PTPRT: variants seen among roughly 807,000 people sequenced by gnomAD.
PTPRT encodes the protein receptor-type tyrosine-protein phosphatase T.
In PTPRT, 56 loss-of-function variants were observed where a neutral mutation model predicts 176.8. The observed-to-expected ratio is 0.32, with a 90% CI of 0.26 to 0.40. The LOEUF (loss-of-function observed/expected upper bound fraction) is 0.40. Ranked by LOEUF, PTPRT falls within the 10% of genes least tolerant of loss-of-function variation. The probability of loss-of-function intolerance (pLI) is 1.00; values close to 1 mark genes in which losing one functional copy is unlikely to be tolerated. For synonymous variants in PTPRT, 783 were observed against 739.0 expected (o/e 1.06, Z -0.96); for missense variants, 1,540 against 1,908.2 (o/e 0.81, Z 3.60).
chr20:42,690,127 T>C (rs920563657), intron 6 of PTPRT, among the ~76,000 whole-genome samples: 1 of 151,822 alleles, frequency 6.6e-6, no homozygotes, highest in Non-Finnish European at 1.5e-5. Flanking sequence ...GACTGGGTCA[T>C]GCACGGATGG....
chr20:42,319,166 T>A (rs1008015307), intron 11 of PTPRT, among the ~76,000 whole-genome samples: 2 of 151,992 alleles, frequency 1.3e-5, no homozygotes, highest in African/African-American at 2.4e-5. Flanking sequence ...AGATTACACA[T>A]GAGGAGGCTG....
rs752371452 is a variant in PTPRT at position 42,633,784 on chromosome 20, AATATATAT to A, written c.1153+44074_1153+44081del. Among the ~76,000 whole-genome samples, 302 of 53,372 alleles carry A rather than the reference AATATATAT, an allele frequency of 5.7e-3. 1 individual carries two copies. Among genetic ancestry groups the A allele is most frequent in the Middle Eastern group, 0.022 (2 of 90 alleles). The allele number at this position is 53,372 out of a possible 152,430, so 35.0% of individuals were successfully genotyped here. A position where few individuals can be genotyped will look rare whatever the true frequency, so the allele number is the denominator to read the frequency against. ...CTGGGCAACACAGCAAGACTCTGAA[AATATATAT>A]ATATATATATATATATATATATATA... is the stretch of plus-strand genomic sequence containing the variant. On this transcript the variant is annotated intron_variant, in intron 7 of 30. Transcript: ENST00000373187.
At chr20:42,745,200 C>G (rs993476414) in intron 6 of PTPRT, among the ~76,000 whole-genome samples, 2 of 152,180 alleles carry the variant, frequency 1.3e-5, no homozygotes, top group Non-Finnish European at 1.5e-5. Context: ...TAAGTGGAAC[C>G]ACTTCTTCAC....
intron 1 of PTPRT, among the ~76,000 whole-genome samples, chr20:43,038,507 G>C (rs1986474716): frequency 1.3e-5 from 2 of 152,034 alleles, no homozygotes; most frequent in South Asian, 4.1e-4. Flanking sequence ...TGAAAAAACA[G>C]TCATCATACT....
At chr20:42,294,902 A>T (rs1248787197) in intron 12 of PTPRT, among the ~76,000 whole-genome samples, 1 of 152,290 alleles carries the variant, frequency 6.6e-6, no homozygotes, top group Non-Finnish European at 1.5e-5. Flanking sequence ...AAGGGGCACT[A>T]AAGAAAGACA....
intron 24 of PTPRT, 69 bp downstream of exon 24, chr20:42,106,717 G>T: frequency 1.3e-6 from 2 of 1,564,418 alleles, no homozygotes; most frequent in Non-Finnish European, 1.7e-6. Flanking sequence ...GTGTCTCTCC[G>T]TTCTATCATC....
intron 7 of PTPRT, among the ~76,000 whole-genome samples, chr20:42,541,718 GCTA>G (rs952197195): frequency 4.0e-5 from 6 of 151,334 alleles, no homozygotes; most frequent in African/African-American, 1.5e-4. Context: ...AACAAGAGAG[GCTA>G]CTATTTATTT....
At chr20:42,642,382 T>C (rs1404334548) in intron 7 of PTPRT, among the ~76,000 whole-genome samples, 1 of 152,196 alleles carries the variant, frequency 6.6e-6, no homozygotes. Context: ...GACAGAGTTA[T>C]GGACCTCCCT....
intron 15 of PTPRT, among the ~76,000 whole-genome samples, chr20:42,205,565 T>G (rs2055434511): frequency 6.6e-6 from 1 of 152,102 alleles, no homozygotes; most frequent in Admixed American, 6.5e-5. Context: ...GCAAAACCCT[T>G]GACTCTCTTC....
intron 19 of PTPRT, among the ~76,000 whole-genome samples, chr20:42,126,254 A>G (rs1987854272): frequency 6.6e-6 from 1 of 152,144 alleles, no homozygotes; most frequent in African/African-American, 2.4e-5. Context: ...GGACCCCAAG[A>G]GTGACTCATT....
chr20:43,045,477 A>G (rs1298851700), intron 1 of PTPRT, among the ~76,000 whole-genome samples: 1 of 122,276 alleles, frequency 8.2e-6, no homozygotes, highest in Non-Finnish European at 1.6e-5. Flanking sequence ...TTTTTGAGTC[A>G]CAGTCTCGCT....
chr20:42,830,428 C>A (rs183366394), intron 2 of PTPRT, among the ~76,000 whole-genome samples: 1 of 152,062 alleles, frequency 6.6e-6, no homozygotes, highest in Non-Finnish European at 1.5e-5. Context: ...CAATACACTA[C>A]GTATTCAAAG....
intron 8 of PTPRT, among the ~76,000 whole-genome samples, chr20:42,465,022 T>C (rs114459617): frequency 0.016 from 2,464 of 152,206 alleles, 65 homozygotes; most frequent in African/African-American, 0.057. Context: ...ATATGTTTTG[T>C]ATGTGATTAA....
intron 7 of PTPRT, among the ~76,000 whole-genome samples, chr20:42,480,529 C>T (rs1450079355): frequency 6.6e-6 from 1 of 152,164 alleles, no homozygotes; most frequent in Non-Finnish European, 1.5e-5. Context: ...TATCCTGAAC[C>T]TCTGAGATGG....
chr20:42,825,560 T>C (rs2077978164), intron 2 of PTPRT, among the ~76,000 whole-genome samples: 1 of 152,162 alleles, frequency 6.6e-6, no homozygotes, highest in South Asian at 2.1e-4. Flanking sequence ...CATACACATG[T>C]GTGTATATAA....
intron 1 of PTPRT, among the ~76,000 whole-genome samples, chr20:43,057,481 A>AATG (rs1845740422): frequency 6.6e-6 from 1 of 152,036 alleles, no homozygotes. Flanking sequence ...AGGAAAAGGG[A>AATG]ATGAAAGGGA....
intron 13 of PTPRT, among the ~76,000 whole-genome samples, chr20:42,278,493 G>A (rs2057085637): frequency 1.3e-5 from 2 of 151,870 alleles, no homozygotes; most frequent in African/African-American, 4.8e-5. Context: ...GACTGGTGGG[G>A]CAAGGCCTGT....
At chr20:42,413,704 T>G (rs2059037903) in intron 9 of PTPRT, among the ~76,000 whole-genome samples, 1 of 152,224 alleles carries the variant, frequency 6.6e-6, no homozygotes, top group Admixed American at 6.5e-5. Context: ...TACTGGTTTA[T>G]ACCTTTCCCA....
Position 42,443,889 on chromosome 20 carries a change from T to C in PTPRT, c.1560+4331A>G, listed in dbSNP as rs141373714. Among the ~76,000 whole-genome samples the C allele has an allele frequency of 7.3e-3, 1,110 of 152,350 alleles. 5 individuals carry two copies. Among genetic ancestry groups the C allele is most frequent in the Non-Finnish European group, 0.012 (783 of 68,026 alleles). ...AAATAGTTCATCTTAATATCATAGA[T>C]GATGGAAATGTCCTTGCCTCCTGGT... is the stretch of plus-strand genomic sequence containing the variant. On this transcript the variant is annotated intron_variant, in intron 9 of 30. Transcript: ENST00000373187.
Sources: allele counts gnomAD v4.1 joint callset (sites outside exome capture counted in the v4.1 genomes callset), GRCh38; gene constraint gnomAD v4.1.1; transcripts MANE v1.5; gene names NCBI Gene and HGNC (gene_info 2026-07-23, HGNC 2026-07-21).